The following PTPRD variants were observed in gnomAD, a reference collection of about 807,000 sequenced individuals.
The protein encoded by PTPRD is receptor-type tyrosine-protein phosphatase delta.
PTPRD carries 34 observed loss-of-function variants against 214.5 expected under a neutral mutation model. The observed-to-expected ratio is 0.16, with a 90% confidence interval of 0.12 to 0.21. PTPRD has a LOEUF of 0.21. PTPRD is among the 10% of genes least tolerant of loss of function. The pLI, the probability that PTPRD is intolerant of heterozygous loss-of-function variation, is 1.00. For missense variants in PTPRD, 2,545 were observed against 2,398.7 expected, an observed-to-expected ratio of 1.06 and a Z score of -1.27; for synonymous variants, 1,128 against 845.7, an observed-to-expected ratio of 1.33 and a Z score of -5.79.
At chr9:10,083,348 A>G (rs2098274172) in intron 3 of PTPRD, among the ~76,000 whole-genome samples, 1 of 152,022 alleles carries the variant, frequency 6.6e-6, no homozygotes, top group Non-Finnish European at 1.5e-5. Flanking sequence ...CTCAATGCCT[A>G]TGTAGGTTTT....
chr9:8,959,222 C>G (rs547773317), intron 11 of PTPRD, among the ~76,000 whole-genome samples: 1 of 151,912 alleles, frequency 6.6e-6, no homozygotes, highest in African/African-American at 2.4e-5. Context: ...AAGATGAACC[C>G]TGGAAAAGTT....
chr9:9,165,749 C>A (rs1173716719), intron 10 of PTPRD, among the ~76,000 whole-genome samples: 1 of 152,026 alleles, frequency 6.6e-6, no homozygotes, highest in East Asian at 1.9e-4. Flanking sequence ...AAGTCAATAA[C>A]CAATAGTCAA....
At chr9:9,764,837 T>C (rs913084725) in intron 6 of PTPRD, among the ~76,000 whole-genome samples, 8 of 152,128 alleles carry the variant, frequency 5.3e-5, no homozygotes, top group African/African-American at 1.9e-4. Context: ...CACAGTGTAA[T>C]AACACCTAGG....
intron 26 of PTPRD, among the ~76,000 whole-genome samples, chr9:8,494,021 C>G (rs1281660840): frequency 2.0e-5 from 3 of 150,774 alleles, no homozygotes; most frequent in Non-Finnish European, 4.4e-5. Context: ...CACACACACA[C>G]ACACACACAC....
intron 8 of PTPRD, among the ~76,000 whole-genome samples, chr9:9,433,660 T>G (rs1437393732): frequency 6.6e-6 from 1 of 152,140 alleles, no homozygotes; most frequent in African/African-American, 2.4e-5. Flanking sequence ...ACAATGATAC[T>G]TCACAAAATA....
intron 7 of PTPRD, among the ~76,000 whole-genome samples, chr9:9,725,391 G>A (rs1446509972): frequency 6.6e-6 from 1 of 151,694 alleles, no homozygotes; most frequent in East Asian, 1.9e-4. Flanking sequence ...TTATTGTAAG[G>A]CCTCCCCAGC....
At position 9,331,736 on chromosome 9, in the gene PTPRD, C is replaced by G. The variant is rs991632430; in HGVS notation, c.-203+65713G>C. On this transcript the variant is annotated intron_variant, in intron 9 of 45. Transcript: ENST00000381196. ...TTTCCTGCCTCCCACCTCTTTCACACTTACTGTCAATCACTGAATCAAATC... is the reference window on the plus strand; with the variant it reads ...TTTCCTGCCTCCCACCTCTTTCACAGTTACTGTCAATCACTGAATCAAATC... Among the ~76,000 whole-genome samples the G allele has an allele frequency of 2.6e-5, 4 of 152,178 alleles. No individual in the cohort carries two copies. In the East Asian group the frequency reaches 5.8e-4, roughly 22 times the overall value.
chr9:10,141,361 C>T (rs970164226), intron 3 of PTPRD, among the ~76,000 whole-genome samples: 2 of 152,100 alleles, frequency 1.3e-5, no homozygotes, highest in African/African-American at 4.8e-5. Context: ...CCCATTGTCT[C>T]AGCCCAAAAT....
intron 2 of PTPRD, among the ~76,000 whole-genome samples, chr9:10,411,024 G>C (rs2098429088): frequency 6.6e-6 from 1 of 151,696 alleles, no homozygotes; most frequent in African/African-American, 2.4e-5. Flanking sequence ...TCAGGCACTA[G>C]TACGGAGCCT....
At chr9:10,310,828 G>C (rs1596727251) in intron 3 of PTPRD, among the ~76,000 whole-genome samples, 1 of 152,032 alleles carries the variant, frequency 6.6e-6, no homozygotes, top group Non-Finnish European at 1.5e-5. Flanking sequence ...AAACGCAAAA[G>C]GCTGCAAAGA....
At chr9:10,537,932 G>T (rs1490959636) in intron 2 of PTPRD, among the ~76,000 whole-genome samples, 7 of 152,048 alleles carry the variant, frequency 4.6e-5, no homozygotes, top group African/African-American at 1.7e-4. Flanking sequence ...CAGTCGAACT[G>T]AATTAGAAAT....
intron 5 of PTPRD, among the ~76,000 whole-genome samples, chr9:9,881,232 A>C (rs16930479): frequency 0.015 from 2,316 of 152,264 alleles, 53 homozygotes; most frequent in African/African-American, 0.053. Context: ...AAGAGTAAAC[A>C]GCTACTTTGG....
At chr9:9,841,870 A>G (rs1372324163) in intron 5 of PTPRD, among the ~76,000 whole-genome samples, 1 of 152,170 alleles carries the variant, frequency 6.6e-6, no homozygotes, top group Non-Finnish European at 1.5e-5. Flanking sequence ...AAATCTTAAG[A>G]AATATCTGTT....
chr9:9,809,942 A>G (rs1472488468), intron 5 of PTPRD, among the ~76,000 whole-genome samples: 1 of 152,136 alleles, frequency 6.6e-6, no homozygotes, highest in Admixed American at 6.5e-5. Flanking sequence ...ACAGAGTTGA[A>G]GTACACTTGG....
intron 14 of PTPRD, among the ~76,000 whole-genome samples, chr9:8,584,773 T>A (rs1176909863): frequency 1.3e-5 from 2 of 152,146 alleles, no homozygotes; most frequent in African/African-American, 4.8e-5. Context: ...GAATGGGTAA[T>A]TTATAAAGGA....
intron 2 of PTPRD, among the ~76,000 whole-genome samples, chr9:10,475,659 T>G (rs1463413062): frequency 6.6e-6 from 1 of 152,048 alleles, no homozygotes. Context: ...TTCCAAAACC[T>G]GGCAGAGACA....
chr9:10,515,045 TA>T (rs2049573299), intron 2 of PTPRD, among the ~76,000 whole-genome samples: 1 of 152,102 alleles, frequency 6.6e-6, no homozygotes, highest in African/African-American at 2.4e-5. Context: ...TAAAATCACC[TA>T]AAAATTGACA....
At chr9:9,575,329 TTAAGA>T (rs1322102569) in intron 7 of PTPRD, among the ~76,000 whole-genome samples, 1 of 152,116 alleles carries the variant, frequency 6.6e-6, no homozygotes, top group African/African-American at 2.4e-5. Context: ...CCTAAATTAT[TTAAGA>T]TATTTGATTT....
intron 9 of PTPRD, among the ~76,000 whole-genome samples, chr9:9,243,743 C>G (rs1211604913): frequency 1.3e-5 from 2 of 152,114 alleles, no homozygotes; most frequent in Non-Finnish European, 2.9e-5. Flanking sequence ...ACAGGGATGC[C>G]CTCTCTCACC....
Sources: gnomAD v4.1 joint callset for allele counts (sites outside exome capture counted in the v4.1 genomes callset) on GRCh38, gnomAD v4.1.1 for gene constraint, MANE v1.5 for transcripts, NCBI Gene and HGNC (gene_info 2026-07-23, HGNC 2026-07-21) for gene names.